RGPD1: variants seen among roughly 807,000 people sequenced by gnomAD.
RGPD1 encodes the protein RANBP2-like and GRIP domain-containing protein 1.
In RGPD1, 7 loss-of-function variants were observed where a neutral mutation model predicts 40.6. The observed-to-expected ratio is 0.17, with a 90% CI of 0.10 to 0.32. The LOEUF is 0.32. Ranked by LOEUF, RGPD1 falls within the 10% of genes least tolerant of loss-of-function variation. The pLI is 1.00. For synonymous variants in RGPD1, 24 were observed against 167.0 expected (o/e 0.14, Z 6.60); for missense variants, 50 against 472.5 (o/e 0.11, Z 8.29).
intron 1 of RGPD1, among the ~76,000 whole-genome samples, chr2:86,925,459 C>T (rs1234659069): frequency 3.3e-5 from 5 of 151,008 alleles, no homozygotes; most frequent in Admixed American, 6.6e-5. Flanking sequence ...GTAGAGACCA[C>T]GTTTCACCAT....
At chr2:86,941,942 C>T (rs1355413714), upstream of RGPD1, among the ~76,000 whole-genome samples, 1 of 151,896 alleles carries the variant, frequency 6.6e-6, no homozygotes. Context: ...CAACTCATGA[C>T]CTCAGGTGAT....
chr2:86,938,718 A>G (rs1679516271), upstream of RGPD1, among the ~76,000 whole-genome samples: 1 of 146,866 alleles, frequency 6.8e-6, no homozygotes, highest in Non-Finnish European at 1.5e-5. Context: ...CAGCCTTTGT[A>G]TAAGGGCACT....
chr2:86,915,238 G>A (rs1442595335), intron 1 of RGPD1, among the ~76,000 whole-genome samples: 18 of 150,956 alleles, frequency 1.2e-4, no homozygotes, highest in African/African-American at 4.4e-4. Context: ...GGAGGTTGCG[G>A]TGAGCCAAGA....
chr2:86,923,560 C>T (rs1316704300), intron 1 of RGPD1, among the ~76,000 whole-genome samples: 3 of 148,000 alleles, frequency 2.0e-5, no homozygotes, highest in East Asian at 4.1e-4. Flanking sequence ...ATCGCCTAGG[C>T]TGGAGTGCAG....
intron 1 of RGPD1, among the ~76,000 whole-genome samples, chr2:86,942,898 T>G (rs561448409): frequency 1.3e-5 from 2 of 151,892 alleles, no homozygotes; most frequent in Admixed American, 1.3e-4. Flanking sequence ...TTTCTCCCGG[T>G]TTGTTCCCGA....
intron 1 of RGPD1, among the ~76,000 whole-genome samples, chr2:86,942,582 T>C (rs1252583280): frequency 3.2e-4 from 24 of 75,828 alleles, no homozygotes; most frequent in Non-Finnish European, 4.9e-4. Context: ...GCGGCCTCGA[T>C]GGCTCAGGCG....
chr2:86,918,705 C>T (rs1198913033), intron 1 of RGPD1, among the ~76,000 whole-genome samples: 7 of 145,322 alleles, frequency 4.8e-5, no homozygotes, highest in East Asian at 2.0e-4. Flanking sequence ...GTGATCTGCC[C>T]GTCTCAGCCT....
rs1681806649 is a variant in RGPD1, at chr2:86,997,069, C to T, written c.5041-494C>T. Among the ~76,000 whole-genome samples the T allele has an allele frequency of 2.0e-5, 3 of 149,766 alleles. 1 individual carries two copies. In the South Asian group the frequency reaches 6.3e-4, roughly 32 times the overall value. ...TCTGAGACAAGAACTCCAGTATTTA[C>T]ACAGGATGCATCCTCTCCTCTTGTC... On this transcript the variant is annotated intron_variant, in intron 21 of 22. Coordinates refer to ENST00000641458, the MANE Select transcript of RGPD1 (RefSeq NM_001382344.1).
intron 1 of RGPD1, among the ~76,000 whole-genome samples, chr2:86,929,510 A>C (rs1462703674): frequency 2.6e-5 from 4 of 151,894 alleles, no homozygotes; most frequent in Non-Finnish European, 4.4e-5. Context: ...CTATGTGACA[A>C]GTACTGTTTT....
At chr2:86,930,720 T>C in intron 1 of RGPD1, 5 of 1,545,596 alleles carry the variant, frequency 3.2e-6, no homozygotes, top group Non-Finnish European at 4.4e-6. Flanking sequence ...CCCCCAGGCC[T>C]CCTCGCTGCC....
chr2:87,011,117 G>A (rs1682203092), intron 22 of RGPD1: 1 of 435,124 alleles, frequency 2.3e-6, no homozygotes, highest in Non-Finnish European at 4.0e-6. Context: ...TCATCTCTCT[G>A]TTCTGGATCA....
intron 1 of RGPD1, among the ~76,000 whole-genome samples, chr2:86,919,414 C>T (rs1376344728): frequency 4.1e-5 from 6 of 146,684 alleles, no homozygotes; most frequent in African/African-American, 1.3e-4. Context: ...CACGCCTCTG[C>T]GTAGAATCCC....
Position 87,009,317 on chromosome 2 carries a change from A to G in RGPD1, c.5237-3196A>G, listed in dbSNP as rs1278327540. Among the ~76,000 whole-genome samples the G allele has an allele frequency of 1.5e-4, 3 of 19,980 alleles. No homozygotes were observed. The South Asian group carries it at 4.0e-3, about 27-fold the overall frequency. 13.1% of individuals were successfully genotyped at this position (19,980 alleles called of 152,430 possible). ...AAGACTCTGTCTCAAAAAAAAAAAA[A>G]AAAAAGAGAAAGAAACAGAAGAAAC... On this transcript the variant is annotated intron_variant, in intron 22 of 22. Transcript: ENST00000641458.
Position 86,997,699 on chromosome 2 carries a change from TA to T in RGPD1, c.5180del (p.Asn1727IlefsTer70). ...GSERESLLPV[I>X]NTMLQLSPEE... Reference sequence around the variant, plus strand: ...GAGAGAGAGAGCCTTCTTCCTGTTATAAATACGATGTTGCAGCTCAGCCCTG... The same window carrying T: ...GAGAGAGAGAGCCTTCTTCCTGTTATAATACGATGTTGCAGCTCAGCCCTG... On this transcript the variant is annotated frameshift_variant, in exon 22 of 23. Coordinates refer to ENST00000641458, the MANE Select transcript of RGPD1 (RefSeq NM_001382344.1). LOFTEE classifies it high-confidence loss of function. 1 of 844,066 alleles carries T rather than the reference TA, an allele frequency of 1.2e-6. No homozygotes were observed. The highest frequency in any genetic ancestry group is 1.4e-5 in the South Asian group (1 of 70,232). 52.3% of individuals were successfully genotyped at this position (844,066 alleles called of 1,614,324 possible).
upstream of RGPD1, chr2:86,913,710 C>G: frequency 2.2e-6 from 3 of 1,337,116 alleles, no homozygotes; most frequent in South Asian, 2.6e-5. Flanking sequence ...ATACACAGTG[C>G]TGACGCAGTA....
At chr2:86,938,693 C>T (rs1420720919), upstream of RGPD1, among the ~76,000 whole-genome samples, 10 of 149,096 alleles carry the variant, frequency 6.7e-5, no homozygotes, top group African/African-American at 2.5e-4. Context: ...GTTTTGATGG[C>T]CTTTTGTTAC....
chr2:86,913,712 G>T (rs1396751077), upstream of RGPD1: 1 of 1,345,754 alleles, frequency 7.4e-7, no homozygotes, highest in Non-Finnish European at 9.9e-7. Context: ...ACACAGTGCT[G>T]ACGCAGTACA....
rs866082367 is a variant in RGPD1 at position 86,914,324 on chromosome 2, G to A, written c.72+403G>A. On this transcript the variant is annotated intron_variant, in intron 1 of 22. Coordinates refer to the RGPD1 transcript ENST00000398193. Reference sequence around the variant, plus strand: ...GGCGGCGGCGGCGGCGGCGGCCTCGGCCTGGCCGGGCGGCGGCGGCGGCGG... The same window carrying A: ...GGCGGCGGCGGCGGCGGCGGCCTCGACCTGGCCGGGCGGCGGCGGCGGCGG... Among the ~76,000 whole-genome samples, 166 of 29,304 alleles carry A rather than the reference G, an allele frequency of 5.7e-3. 2 individuals are homozygous for A. The highest frequency in any genetic ancestry group is 0.035 in the East Asian group (28 of 808). 19.2% of individuals were successfully genotyped at this position (29,304 alleles called of 152,430 possible). A position where few individuals can be genotyped will look rare whatever the true frequency, so the allele number is the denominator to read the frequency against.
chr2:87,008,820 G>A (rs1188156470), intron 22 of RGPD1, among the ~76,000 whole-genome samples: 1 of 56,002 alleles, frequency 1.8e-5, no homozygotes, highest in Non-Finnish European at 3.3e-5. Context: ...CCTTTGATGG[G>A]TTCATCAAAA....
Sources: gnomAD v4.1 joint callset for allele counts (sites outside exome capture counted in the v4.1 genomes callset) on GRCh38, gnomAD v4.1.1 for gene constraint, MANE v1.5 for transcripts, NCBI Gene and HGNC (gene_info 2026-07-23, HGNC 2026-07-21) for gene names.